NKAIN3: variants seen among roughly 807,000 people sequenced by gnomAD.
NKAIN3 encodes sodium/potassium transporting ATPase interacting 3, also known as sodium/potassium-transporting ATPase subunit beta-1-interacting protein 3.
Under a neutral mutation model 30.2 loss-of-function variants are expected in NKAIN3, and 25 were observed. The observed-to-expected ratio is 0.83, with a 90% CI of 0.60 to 1.16. The LOEUF is 1.16. Among genes scored for constraint, NKAIN3 ranks in the 50% most tolerant of loss-of-function variants. The pLI is 0.00. For missense variants in NKAIN3, 225 were observed against 254.1 expected (o/e 0.89, Z 0.78); for synonymous variants, 91 against 89.6 (o/e 1.02, Z -0.09).
chr8:62,379,622 G>A (rs903340526), intron 1 of NKAIN3, among the ~76,000 whole-genome samples: 4 of 152,134 alleles, frequency 2.6e-5, no homozygotes, highest in Non-Finnish European at 5.9e-5. Context: ...TTCCCTGCTT[G>A]TACTCATTCT....
chr8:62,735,908 C>G (rs1420115691), intron 3 of NKAIN3, among the ~76,000 whole-genome samples: 2 of 152,024 alleles, frequency 1.3e-5, no homozygotes, highest in African/African-American at 2.4e-5. Context: ...ATTGTTATTT[C>G]TCTCCTGGAT....
At chr8:62,644,367 A>G (rs1480465907) in intron 3 of NKAIN3, among the ~76,000 whole-genome samples, 3 of 152,130 alleles carry the variant, frequency 2.0e-5, no homozygotes, top group Non-Finnish European at 2.9e-5. Context: ...GATAGATACA[A>G]ATAAATTAGG....
At chr8:62,583,170 A>C (rs1195255620) in intron 2 of NKAIN3, among the ~76,000 whole-genome samples, 1 of 152,090 alleles carries the variant, frequency 6.6e-6, no homozygotes, top group East Asian at 1.9e-4. Flanking sequence ...GTACATACTT[A>C]TTGATTATTT....
intron 1 of NKAIN3, among the ~76,000 whole-genome samples, chr8:62,362,638 G>T (rs1038333480): frequency 6.6e-6 from 1 of 152,140 alleles, no homozygotes; most frequent in Non-Finnish European, 1.5e-5. Flanking sequence ...AAGGATAAAG[G>T]AATAGTGGAG....
At chr8:62,406,640 A>C (rs1409765146) in intron 1 of NKAIN3, among the ~76,000 whole-genome samples, 1 of 152,178 alleles carries the variant, frequency 6.6e-6, no homozygotes, top group African/African-American at 2.4e-5. Context: ...ATTTATATAC[A>C]TTGAGATACC....
At chr8:62,713,914 T>C (rs1443375778) in intron 3 of NKAIN3, among the ~76,000 whole-genome samples, 1 of 152,204 alleles carries the variant, frequency 6.6e-6, no homozygotes, top group Non-Finnish European at 1.5e-5. Context: ...AATAGTTTTT[T>C]CAACCAGAAT....
At chr8:62,390,290 T>G (rs1052148902) in intron 1 of NKAIN3, among the ~76,000 whole-genome samples, 3 of 152,180 alleles carry the variant, frequency 2.0e-5, no homozygotes, top group African/African-American at 7.2e-5. Context: ...AGTGAGAATC[T>G]GTGTTCTTTG....
chr8:62,934,387 A>C (rs1159273487), intron 5 of NKAIN3, among the ~76,000 whole-genome samples: 1 of 152,058 alleles, frequency 6.6e-6, no homozygotes, highest in East Asian at 1.9e-4. Flanking sequence ...CTTAAAAAAA[A>C]AAAATGCAGA....
chr8:62,338,870 T>C (rs2129590741), intron 1 of NKAIN3, among the ~76,000 whole-genome samples: 1 of 152,046 alleles, frequency 6.6e-6, no homozygotes, highest in South Asian at 2.1e-4. Context: ...AAATTAAGGG[T>C]GGATCTGCCT....
At chr8:62,883,770 T>A (rs1456345884) in intron 4 of NKAIN3, among the ~76,000 whole-genome samples, 1 of 152,090 alleles carries the variant, frequency 6.6e-6, no homozygotes, top group African/African-American at 2.4e-5. Flanking sequence ...TTTCTTTTCT[T>A]CTACTTACTT....
chr8:62,425,061 C>T (rs1804765377), intron 1 of NKAIN3, among the ~76,000 whole-genome samples: 1 of 151,760 alleles, frequency 6.6e-6, no homozygotes, highest in South Asian at 2.1e-4. Context: ...TCCATGATTC[C>T]ACTTATATGA....
At chr8:62,284,990 A>G (rs955099451) in intron 1 of NKAIN3, among the ~76,000 whole-genome samples, 1 of 152,178 alleles carries the variant, frequency 6.6e-6, no homozygotes, top group African/African-American at 2.4e-5. Context: ...GCAGTTTTTT[A>G]AAGTGTGGGT....
At chr8:62,275,652 G>C (rs1337421226) in intron 1 of NKAIN3, among the ~76,000 whole-genome samples, 1 of 152,154 alleles carries the variant, frequency 6.6e-6, no homozygotes. Context: ...AGGAGTAGAA[G>C]AATCCTATGA....
chr8:62,250,588 A>T (rs1812069569), intron 1 of NKAIN3, among the ~76,000 whole-genome samples: 1 of 152,248 alleles, frequency 6.6e-6, no homozygotes, highest in Non-Finnish European at 1.5e-5. Context: ...TCAATGTAAG[A>T]TTATAGATAG....
chr8:62,417,523 T>A (rs1804487150), intron 1 of NKAIN3, among the ~76,000 whole-genome samples: 2 of 152,178 alleles, frequency 1.3e-5, no homozygotes, highest in Non-Finnish European at 2.9e-5. Context: ...GTAGCTCTAT[T>A]TTTAGTTTTT....
chr8:62,333,082 A>T (rs1479865566), intron 1 of NKAIN3, among the ~76,000 whole-genome samples: 1 of 152,148 alleles, frequency 6.6e-6, no homozygotes, highest in Non-Finnish European at 1.5e-5. Flanking sequence ...TAGTACTTTA[A>T]AAGATATTTT....
At chr8:62,513,857 CAAAAAAAAAA>C (rs10608416) in intron 1 of NKAIN3, among the ~76,000 whole-genome samples, 4 of 52,616 alleles carry the variant, frequency 7.6e-5, no homozygotes, top group East Asian at 7.0e-4. Flanking sequence ...AAACCTGTCT[CAAAAAAAAAA>C]AAAAAAAAAA....
chr8:62,298,737 TC>T (rs1445721320), intron 1 of NKAIN3, among the ~76,000 whole-genome samples: 1 of 152,064 alleles, frequency 6.6e-6, no homozygotes, highest in Non-Finnish European at 1.5e-5. Flanking sequence ...CTAAATCTGT[TC>T]CTCCAGCTGT....
chr8:62,940,658 C>T (rs1338468410), intron 5 of NKAIN3, among the ~76,000 whole-genome samples: 4 of 152,000 alleles, frequency 2.6e-5, no homozygotes, highest in African/African-American at 7.2e-5. Flanking sequence ...ATAATCTGCT[C>T]CTGAATAATT....
Sources: gnomAD v4.1 joint callset for allele counts (sites outside exome capture counted in the v4.1 genomes callset) on GRCh38, gnomAD v4.1.1 for gene constraint, MANE v1.5 for transcripts, NCBI Gene and HGNC (gene_info 2026-07-23, HGNC 2026-07-21) for gene names.